Variants in TNIK observed in about 807,000 individuals in gnomAD.
TNIK encodes the protein TRAF2 and NCK-interacting protein kinase.
TNIK carries 49 observed loss-of-function variants against 191.3 expected under a neutral mutation model. The observed-to-expected ratio is 0.26, with a 90% CI of 0.20 to 0.32. The LOEUF is 0.32. TNIK is among the 10% of genes least tolerant of loss of function. The pLI, the probability that TNIK is intolerant of heterozygous loss-of-function variation, is 1.00. For missense variants in TNIK, 1,155 were observed against 1,702.3 expected (o/e 0.68, Z 5.66); for synonymous variants, 594 against 600.9 (o/e 0.99, Z 0.17).
intron 1 of TNIK, among the ~76,000 whole-genome samples, chr3:171,377,145 C>T (rs1454571465): frequency 4.6e-5 from 7 of 152,190 alleles, no homozygotes; most frequent in Non-Finnish European, 7.3e-5. Context: ...AGAGCTGTTC[C>T]TGGCTAGTGT....
At chr3:171,096,917 T>C (rs1576794346) in intron 22 of TNIK, among the ~76,000 whole-genome samples, 2 of 152,228 alleles carry the variant, frequency 1.3e-5, no homozygotes, top group Admixed American at 6.5e-5. Context: ...TGTGAATTGA[T>C]AAGTAATTGG....
At chr3:171,085,612 T>G (rs1369514949) in intron 24 of TNIK, among the ~76,000 whole-genome samples, 1 of 152,128 alleles carries the variant, frequency 6.6e-6, no homozygotes, top group Non-Finnish European at 1.5e-5. Flanking sequence ...GGCAATAAAC[T>G]AAGTAAGGAA....
At chr3:171,165,546 G>A (rs538574355) in intron 10 of TNIK, among the ~76,000 whole-genome samples, 5 of 151,656 alleles carry the variant, frequency 3.3e-5, no homozygotes, top group East Asian at 1.9e-4. Context: ...CGCCCCCACC[G>A]CTAGTCCCCA....
chr3:171,231,277 T>C (rs1041123139), intron 2 of TNIK, among the ~76,000 whole-genome samples: 3 of 152,138 alleles, frequency 2.0e-5, no homozygotes, highest in Non-Finnish European at 4.4e-5. Flanking sequence ...TTGGCTTTTG[T>C]TGTTGCTACT....
At chr3:171,236,129 G>T (rs914492467) in intron 2 of TNIK, among the ~76,000 whole-genome samples, 1 of 143,598 alleles carries the variant, frequency 7.0e-6, no homozygotes, top group African/African-American at 2.5e-5. Flanking sequence ...CTGGGACAGC[G>T]TCTTGTAAAG....
intron 1 of TNIK, among the ~76,000 whole-genome samples, chr3:171,423,193 C>T (rs1255479481): frequency 6.6e-6 from 1 of 152,038 alleles, no homozygotes; most frequent in Non-Finnish European, 1.5e-5. Context: ...CAATAACGGA[C>T]AAACAGAGAG....
At position 171,063,631 on chromosome 3, in the gene TNIK, T is replaced by C; in HGVS notation, c.*250A>G. 1 of 418,018 alleles carries C rather than the reference T, an allele frequency of 2.4e-6. No individual in the cohort carries two copies. The highest frequency in any genetic ancestry group is 4.3e-6 in the Non-Finnish European group (1 of 234,506). 25.9% of individuals were successfully genotyped at this position (418,018 alleles called of 1,614,324 possible). On this transcript the variant is annotated 3_prime_UTR_variant, in exon 33 of 33. Transcript: ENST00000436636. The stretch of plus-strand genomic sequence containing the variant: ...ATTCCGAAGGGCACATGGTCCATCT[T>C]TGTCCACAGACAAGGCAGCATTCTT...
intron 12 of TNIK, among the ~76,000 whole-genome samples, chr3:171,155,007 G>T (rs1732978070): frequency 6.6e-6 from 1 of 152,174 alleles, no homozygotes. Flanking sequence ...GACATGCAGG[G>T]CTTCCTTAGA....
chr3:171,176,349 T>A (rs1463352329), intron 8 of TNIK, among the ~76,000 whole-genome samples: 1 of 152,132 alleles, frequency 6.6e-6, no homozygotes, highest in African/African-American at 2.4e-5. Context: ...AACCCGAAGG[T>A]AAAAGTCATA....
intron 15 of TNIK, among the ~76,000 whole-genome samples, chr3:171,132,630 T>C (rs528832371): frequency 6.6e-6 from 1 of 152,334 alleles, no homozygotes; most frequent in East Asian, 1.9e-4. Flanking sequence ...ATGTCAATTG[T>C]CAAATTGTTT....
At chr3:171,256,533 T>C (rs1417958855) in intron 2 of TNIK, among the ~76,000 whole-genome samples, 3 of 152,174 alleles carry the variant, frequency 2.0e-5, no homozygotes, top group African/African-American at 7.2e-5. Flanking sequence ...GACAGAGTGC[T>C]GGCCATGAAG....
chr3:171,269,805 C>A (rs955001093), intron 2 of TNIK, among the ~76,000 whole-genome samples: 1 of 152,290 alleles, frequency 6.6e-6, no homozygotes, highest in African/African-American at 2.4e-5. Context: ...CTGAAATGGT[C>A]TTTACTGACT....
chr3:171,254,546 C>T (rs1746616055), intron 2 of TNIK, among the ~76,000 whole-genome samples: 1 of 152,204 alleles, frequency 6.6e-6, no homozygotes, highest in African/African-American at 2.4e-5. Flanking sequence ...ATACAAGCAT[C>T]ACCCAGATGT....
chr3:171,257,181 C>T (rs1351180132), intron 2 of TNIK, among the ~76,000 whole-genome samples: 1 of 152,164 alleles, frequency 6.6e-6, no homozygotes, highest in Non-Finnish European at 1.5e-5. Flanking sequence ...GTCCTAGAGA[C>T]TTAGAAGAAG....
At chr3:171,191,165 C>T (rs1440516083) in intron 5 of TNIK, among the ~76,000 whole-genome samples, 5 of 152,198 alleles carry the variant, frequency 3.3e-5, no homozygotes, top group Non-Finnish European at 2.9e-5. Context: ...AGTCTCTGTA[C>T]AGAAAACTAA....
chr3:171,380,799 T>C (rs1185980241), intron 1 of TNIK, among the ~76,000 whole-genome samples: 1 of 152,262 alleles, frequency 6.6e-6, no homozygotes, highest in Non-Finnish European at 1.5e-5. Flanking sequence ...AGGACTTTTC[T>C]ATGAGTAGGG....
chr3:171,078,288 T>G (rs1445302951), intron 28 of TNIK, among the ~76,000 whole-genome samples: 2 of 152,182 alleles, frequency 1.3e-5, no homozygotes, highest in African/African-American at 4.8e-5. Context: ...CTAAAACTCT[T>G]ATTACTTAGA....
intron 22 of TNIK, 140 bp from the exon 23 acceptor site, chr3:171,094,108 A>G (rs960212247): frequency 6.1e-6 from 7 of 1,143,356 alleles, no homozygotes; most frequent in Non-Finnish European, 8.2e-6. Context: ...TTAAGTGTAC[A>G]TGTCAGTGGT....
At chr3:171,285,513 T>C (rs563350121) in intron 2 of TNIK, among the ~76,000 whole-genome samples, 2 of 152,354 alleles carry the variant, frequency 1.3e-5, no homozygotes, top group East Asian at 1.9e-4. Context: ...ACTAAGTTAA[T>C]TGACACTCAG....
Sources: gnomAD v4.1 joint callset for allele counts (sites outside exome capture counted in the v4.1 genomes callset) on GRCh38, gnomAD v4.1.1 for gene constraint, MANE v1.5 for transcripts, NCBI Gene and HGNC (gene_info 2026-07-23, HGNC 2026-07-21) for gene names.